The following DCLK1 variants were observed in gnomAD, a reference collection of about 807,000 sequenced individuals.
DCLK1 encodes serine/threonine-protein kinase DCLK1.
DCLK1 carries 16 observed loss-of-function variants against 86.2 expected under a neutral mutation model. That is an observed-to-expected ratio of 0.19 (90% CI 0.13 to 0.28). The LOEUF is 0.28. Ranked by LOEUF, DCLK1 falls within the 10% of genes least tolerant of loss-of-function variation. The pLI is 1.00. For missense variants in DCLK1, 590 were observed against 940.2 expected (o/e 0.63, Z 4.87); for synonymous variants, 369 against 370.5 (o/e 1.00, Z 0.05).
chr13:35,841,336 T>C (rs1869778730), intron 6 of DCLK1, among the ~76,000 whole-genome samples: 1 of 152,214 alleles, frequency 6.6e-6, no homozygotes, highest in South Asian at 2.1e-4. Flanking sequence ...CCATAGTACA[T>C]GAAAACATCT....
chr13:35,837,630 C>T (rs953290297), intron 7 of DCLK1, among the ~76,000 whole-genome samples: 2 of 152,158 alleles, frequency 1.3e-5, no homozygotes, highest in African/African-American at 4.8e-5. Flanking sequence ...AAGTGTGACC[C>T]TGCAGGTGGG....
intron 3 of DCLK1, among the ~76,000 whole-genome samples, chr13:36,049,757 C>T (rs1231117674): frequency 1.3e-5 from 2 of 151,944 alleles, no homozygotes; most frequent in East Asian, 3.9e-4. Flanking sequence ...TGTATAAGTC[C>T]TTACCCTTAT....
At chr13:35,882,233 T>C (rs890718932) in intron 4 of DCLK1, among the ~76,000 whole-genome samples, 3 of 152,188 alleles carry the variant, frequency 2.0e-5, no homozygotes, top group Non-Finnish European at 2.9e-5. Flanking sequence ...CATCTTTACA[T>C]GGACTTCTCT....
chr13:36,006,486 A>C (rs1880962921), intron 3 of DCLK1, among the ~76,000 whole-genome samples: 1 of 152,236 alleles, frequency 6.6e-6, no homozygotes, highest in Non-Finnish European at 1.5e-5. Flanking sequence ...TTACATTTAT[A>C]TTTTAGCAAT....
At chr13:35,878,543 T>A (rs1050984585) in intron 4 of DCLK1, among the ~76,000 whole-genome samples, 2 of 152,074 alleles carry the variant, frequency 1.3e-5, no homozygotes, top group Non-Finnish European at 2.9e-5. Context: ...ATGGGGATGG[T>A]TAATGGGTAC....
At position 35,854,544 on chromosome 13, in the gene DCLK1, C is replaced by T. The variant is rs200783749; in HGVS notation, c.990G>A (p.Ser330=). ...CTGGGCTGGTGGGTGATGGGCTTGGCGACTTGCCTGAGCGCGGAGTAGAGA... is the reference window on the plus strand; with the variant it reads ...CTGGGCTGGTGGGTGATGGGCTTGGTGACTTGCCTGAGCGCGGAGTAGAGA... The part of the protein sequence containing the change: ...SQLSTPRSGK[S]PSPSPTSPGS... Residue 330 remains serine, a synonymous_variant, in exon 6 of 17, where the codon TCG becomes TCA. Coordinates refer to ENST00000360631, the MANE Select transcript of DCLK1 (RefSeq NM_001330071.2). 2.6e-5 allele frequency: 41 copies of T among 1,606,170 alleles called. No individual in the cohort carries two copies. The highest frequency in any genetic ancestry group is 1.2e-4 in the Admixed American group (7 of 59,312).
At chr13:35,912,168 T>C (rs9574888) in intron 4 of DCLK1, among the ~76,000 whole-genome samples, 91,399 of 152,008 alleles carry the variant, frequency 0.6, 30,177 homozygotes, top group Non-Finnish European at 0.74. Context: ...AGCATAGAGT[T>C]TGGCATGCAG....
At chr13:35,799,187 G>A (rs767768471) in intron 15 of DCLK1, among the ~76,000 whole-genome samples, 1 of 152,114 alleles carries the variant, frequency 6.6e-6, no homozygotes, top group Non-Finnish European at 1.5e-5. Flanking sequence ...ATGTCTGGGG[G>A]CAAAACCCAG....
chr13:35,983,024 A>AGGTGTTGGGATTAC (rs2153141999), intron 3 of DCLK1, among the ~76,000 whole-genome samples: 1 of 152,262 alleles, frequency 6.6e-6, no homozygotes, highest in Non-Finnish European at 1.5e-5. Flanking sequence ...ATGGCCTCTC[A>AGGTGTTGGGATTAC]AAGTGTTGGG....
intron 3 of DCLK1, among the ~76,000 whole-genome samples, chr13:35,971,277 A>C (rs1879045767): frequency 6.6e-6 from 1 of 152,204 alleles, no homozygotes; most frequent in Non-Finnish European, 1.5e-5. Flanking sequence ...GAAGCACTGA[A>C]AAAGAAGAAA....
At chr13:35,809,212 T>A in intron 12 of DCLK1, 117 bp from the exon 13 acceptor site, 1 of 668,580 alleles carries the variant, frequency 1.5e-6, no homozygotes. Flanking sequence ...AAAATAACAA[T>A]CCCAACAACA....
At chr13:36,014,001 T>C (rs1388185888) in intron 3 of DCLK1, among the ~76,000 whole-genome samples, 3 of 152,136 alleles carry the variant, frequency 2.0e-5, no homozygotes, top group African/African-American at 7.2e-5. Context: ...TTTCTTTGAC[T>C]CGGAAAGGGA....
At chr13:36,092,742 T>G (rs1275882412) in intron 3 of DCLK1, among the ~76,000 whole-genome samples, 36 of 151,828 alleles carry the variant, frequency 2.4e-4, no homozygotes, top group African/African-American at 8.5e-4. Flanking sequence ...CGCCTCGGCC[T>G]CCCAAAGTGC....
intron 4 of DCLK1, among the ~76,000 whole-genome samples, chr13:35,943,109 G>T (rs1315460484): frequency 6.6e-6 from 1 of 152,152 alleles, no homozygotes; most frequent in African/African-American, 2.4e-5. Flanking sequence ...ACTAAGATGA[G>T]GTCATACTGA....
chr13:35,886,704 C>T (rs75016358), intron 4 of DCLK1, among the ~76,000 whole-genome samples: 4,132 of 152,270 alleles, frequency 0.027, 210 homozygotes, highest in African/African-American at 0.094. Context: ...TCCTTTTTAT[C>T]ATAACTCAGT....
At chr13:35,995,523 C>A (rs1341317557) in intron 3 of DCLK1, among the ~76,000 whole-genome samples, 1 of 152,162 alleles carries the variant, frequency 6.6e-6, no homozygotes, top group Non-Finnish European at 1.5e-5. Context: ...GTTCCTTTGT[C>A]TTCTTTCATT....
intron 4 of DCLK1, among the ~76,000 whole-genome samples, chr13:35,916,980 T>G (rs183356525): frequency 6.6e-6 from 1 of 152,290 alleles, no homozygotes; most frequent in African/African-American, 2.4e-5. Context: ...GGTGGCCTTC[T>G]TCTACCTCGA....
chr13:36,083,421 AGC>A (rs1884487006), intron 3 of DCLK1, among the ~76,000 whole-genome samples: 1 of 152,240 alleles, frequency 6.6e-6, no homozygotes, highest in Non-Finnish European at 1.5e-5. Context: ...TTGGTAGATC[AGC>A]CTGTCGAACA....
intron 6 of DCLK1, among the ~76,000 whole-genome samples, chr13:35,852,491 A>T (rs529208275): frequency 5.3e-4 from 80 of 152,352 alleles, no homozygotes; most frequent in Non-Finnish European, 8.4e-4. Flanking sequence ...TTCAGATGGT[A>T]TAAACCCTTT....
Sources: allele counts gnomAD v4.1 joint callset (sites outside exome capture counted in the v4.1 genomes callset), GRCh38; gene constraint gnomAD v4.1.1; transcripts MANE v1.5; gene names NCBI Gene and HGNC (gene_info 2026-07-23, HGNC 2026-07-21).